The following STPG2 variants were observed in gnomAD, a reference collection of about 807,000 sequenced individuals.
The protein encoded by STPG2 is sperm tail PG-rich repeat containing 2.
A neutral mutation model predicts 54.2 loss-of-function variants in STPG2; 56 were observed. The observed-to-expected ratio is 1.03, with a 90% CI of 0.83 to 1.29. STPG2 has a LOEUF of 1.29. Ranked by LOEUF, STPG2 falls within the 50% of genes most tolerant of loss-of-function variation. STPG2 has a pLI of 0.00. For missense variants in STPG2, 596 were observed against 544.9 expected (o/e 1.09, Z -0.93); for synonymous variants, 200 against 181.8 (o/e 1.10, Z -0.81).
intron 10 of STPG2, among the ~76,000 whole-genome samples, chr4:97,613,627 T>A (rs1303838267): frequency 6.6e-6 from 1 of 151,932 alleles, no homozygotes; most frequent in Non-Finnish European, 1.5e-5. Context: ...CTATTGACAA[T>A]TTATCTCTTC....
intron 8 of STPG2, among the ~76,000 whole-genome samples, chr4:97,942,713 G>A (rs1733037153): frequency 6.6e-6 from 1 of 151,974 alleles, no homozygotes; most frequent in African/African-American, 2.4e-5. Context: ...TCATGATCTT[G>A]TACCAGTTAT....
At chr4:98,002,846 C>G (rs1007459946) in intron 5 of STPG2, among the ~76,000 whole-genome samples, 7 of 151,982 alleles carry the variant, frequency 4.6e-5, no homozygotes, top group African/African-American at 1.7e-4. Flanking sequence ...ACATGAAGAT[C>G]ATCAATTTAA....
intron 10 of STPG2, among the ~76,000 whole-genome samples, chr4:97,631,385 C>T (rs1019310117): frequency 2.7e-4 from 41 of 151,986 alleles, no homozygotes; most frequent in Non-Finnish European, 4.7e-4. Context: ...TACAAGACTT[C>T]GTAACAATTC....
chr4:98,062,101 G>A (rs187273273), intron 5 of STPG2, among the ~76,000 whole-genome samples: 4 of 152,156 alleles, frequency 2.6e-5, no homozygotes, highest in African/African-American at 9.7e-5. Context: ...ATACACCATG[G>A]AATACTATGC....
intron 5 of STPG2, among the ~76,000 whole-genome samples, chr4:98,030,524 A>T (rs1433629729): frequency 6.6e-6 from 1 of 152,228 alleles, no homozygotes; most frequent in Non-Finnish European, 1.5e-5. Context: ...TCTTCAGAGA[A>T]CTAGGGAAAA....
At chr4:98,070,035 TG>T (rs1382885839) in intron 5 of STPG2, among the ~76,000 whole-genome samples, 1 of 152,048 alleles carries the variant, frequency 6.6e-6, no homozygotes, top group Non-Finnish European at 1.5e-5. Flanking sequence ...ACTCATTTTA[TG>T]AGGCTACCAT....
At chr4:97,866,758 G>A (rs145693569) in intron 8 of STPG2, among the ~76,000 whole-genome samples, 296 of 152,044 alleles carry the variant, frequency 1.9e-3, no homozygotes, top group African/African-American at 7.0e-3. Flanking sequence ...CACAGCTAGT[G>A]ATCTCAATAA....
chr4:97,908,875 G>A (rs1183744770), intron 8 of STPG2, among the ~76,000 whole-genome samples: 1 of 145,052 alleles, frequency 6.9e-6, no homozygotes, highest in South Asian at 2.3e-4. Context: ...TGGGGTTGGG[G>A]GAGGGGGGAG....
At chr4:97,817,683 C>G (rs1477839234) in intron 9 of STPG2, among the ~76,000 whole-genome samples, 1 of 152,018 alleles carries the variant, frequency 6.6e-6, no homozygotes, top group Admixed American at 6.6e-5. Flanking sequence ...TATCCCAGAG[C>G]ATTCCTGAAA....
chr4:97,936,998 C>A (rs1306386838), intron 8 of STPG2, among the ~76,000 whole-genome samples: 1 of 152,064 alleles, frequency 6.6e-6, no homozygotes, highest in Non-Finnish European at 1.5e-5. Flanking sequence ...TTCTCCCTTT[C>A]TCTTTCAAGT....
chr4:97,963,477 A>G (rs772970867), intron 7 of STPG2, among the ~76,000 whole-genome samples: 6 of 152,158 alleles, frequency 3.9e-5, no homozygotes, highest in Non-Finnish European at 5.9e-5. Flanking sequence ...GCAAAGTGAG[A>G]CCTTGTCTCT....
intron 5 of STPG2, chr4:98,026,250 T>C (rs6831925): frequency 0.42 from 377,068 of 898,890 alleles, 82,600 homozygotes; most frequent in Middle Eastern, 0.46. Context: ...AGCTCAGGAG[T>C]GGGCTGCTGA....
rs774802205 is a variant in STPG2, at chr4:98,128,564, C to A, written c.251G>T (p.Arg84Ile). The change falls in exon 3 of 11, where the codon AGA becomes ATA. Residue 84 changes from arginine (R) to isoleucine (I), a missense_variant. Physicochemically the swap from Arg to Ile is moderately conservative, Grantham distance 97 (BLOSUM62 -3). Coordinates refer to ENST00000295268, the MANE Select transcript of STPG2 (RefSeq NM_174952.3). ...AGGAATTGAAGGAACATCAACACTT[C>A]TGGTAAGTGTAGGTGATCTTGAAAT... Reference protein sequence around the residue: ...QKISRSPTLTRSVDVPSIPSC... With the variant: ...QKISRSPTLTISVDVPSIPSC... 1.2e-6 allele frequency: 2 copies of A among 1,608,834 alleles called. No homozygotes were observed. Among genetic ancestry groups the A allele is most frequent in the Non-Finnish European group, 1.7e-6 (2 of 1,178,496 alleles).
intron 10 of STPG2, among the ~76,000 whole-genome samples, chr4:97,638,431 T>C (rs982564812): frequency 3.9e-5 from 6 of 152,120 alleles, no homozygotes; most frequent in African/African-American, 4.8e-5. Flanking sequence ...GACATAGGCA[T>C]GGGCAAGGAC....
chr4:97,617,929 G>A (rs1351671439), intron 10 of STPG2, among the ~76,000 whole-genome samples: 2 of 152,150 alleles, frequency 1.3e-5, no homozygotes, highest in Non-Finnish European at 2.9e-5. Context: ...TTATTATTCA[G>A]TTTTGTTGAA....
chr4:97,960,182 T>C (rs1018506671), intron 7 of STPG2, among the ~76,000 whole-genome samples: 5 of 152,114 alleles, frequency 3.3e-5, no homozygotes, highest in African/African-American at 9.7e-5. Flanking sequence ...AAAATCAGCA[T>C]AGAAGGGACA....
intron 5 of STPG2, among the ~76,000 whole-genome samples, chr4:98,076,015 C>G (rs1048772548): frequency 6.6e-6 from 1 of 152,088 alleles, no homozygotes; most frequent in African/African-American, 2.4e-5. Context: ...GAGGCCCAGG[C>G]GGGCAGATCA....
rs183125274 is a variant in STPG2 at position 97,533,716 on chromosome 4, A to G, written c.462+178983T>C. Among the ~76,000 whole-genome samples the G allele has an allele frequency of 2.6e-5, 4 of 152,218 alleles. No homozygotes were observed. The East Asian group carries it at 7.7e-4, about 29-fold the overall frequency. ...TTCCATATTATAGCATGTATCAATAAGTTCTTTTTATTGCTGAGTAACCCT... is the reference window on the plus strand; with the variant it reads ...TTCCATATTATAGCATGTATCAATAGGTTCTTTTTATTGCTGAGTAACCCT... On this transcript the variant is annotated intron_variant, in intron 4 of 4. Transcript: ENST00000522676.
chr4:97,936,983 G>A (rs1157743268), intron 8 of STPG2, among the ~76,000 whole-genome samples: 1 of 151,972 alleles, frequency 6.6e-6, no homozygotes, highest in Non-Finnish European at 1.5e-5. Context: ...TTTCAACTTG[G>A]TTCATTCTCC....
Sources: allele counts gnomAD v4.1 joint callset (sites outside exome capture counted in the v4.1 genomes callset), GRCh38; gene constraint gnomAD v4.1.1; transcripts MANE v1.5; gene names NCBI Gene and HGNC (gene_info 2026-07-23, HGNC 2026-07-21).